ATRNL1: variants seen among roughly 807,000 people sequenced by gnomAD.
ATRNL1 encodes attractin like 1.
ATRNL1 carries 95 observed loss-of-function variants against 182.7 expected under a neutral mutation model. The ratio of observed to expected loss-of-function variants is 0.52; its 90% CI spans 0.44 to 0.62. The LOEUF is 0.62. Ranked by LOEUF, ATRNL1 falls within the 20% of genes least tolerant of loss-of-function variation. The probability of loss-of-function intolerance (pLI) is 0.00; values close to 1 mark genes in which losing one functional copy is unlikely to be tolerated. For synonymous variants in ATRNL1, 576 were observed against 568.3 expected (o/e 1.01, Z -0.19); for missense variants, 1,471 against 1,679.5 (o/e 0.88, Z 2.17).
At chr10:115,312,028 C>T (rs2134005390) in intron 17 of ATRNL1, among the ~76,000 whole-genome samples, 1 of 151,998 alleles carries the variant, frequency 6.6e-6, no homozygotes, top group East Asian at 1.9e-4. Context: ...TTGAAGATAG[C>T]AGATATTTGC....
intron 28 of ATRNL1, among the ~76,000 whole-genome samples, chr10:115,919,630 A>G (rs1412925513): frequency 1.3e-5 from 2 of 152,190 alleles, no homozygotes; most frequent in African/African-American, 4.8e-5. Context: ...GTATACATAT[A>G]TGTATACATA....
chr10:115,512,354 T>C (rs1850426178), intron 24 of ATRNL1, among the ~76,000 whole-genome samples: 1 of 151,862 alleles, frequency 6.6e-6, no homozygotes, highest in South Asian at 2.1e-4. Flanking sequence ...TAAGAAATAA[T>C]ATTTCATGTA....
chr10:115,780,650 A>G (rs1286798083), intron 27 of ATRNL1, among the ~76,000 whole-genome samples: 1 of 152,118 alleles, frequency 6.6e-6, no homozygotes, highest in Non-Finnish European at 1.5e-5. Context: ...GGTCAGAGTC[A>G]TGAGGCCCCC....
chr10:115,585,168 A>G (rs1173708301), intron 26 of ATRNL1, among the ~76,000 whole-genome samples: 3 of 97,998 alleles, frequency 3.1e-5, no homozygotes, highest in African/African-American at 6.8e-5. Flanking sequence ...TTTACTTCCA[A>G]GTATGTGGTC....
At chr10:115,517,425 T>C (rs1343346916) in intron 24 of ATRNL1, among the ~76,000 whole-genome samples, 1 of 151,962 alleles carries the variant, frequency 6.6e-6, no homozygotes, top group Non-Finnish European at 1.5e-5. Context: ...CTATATGTGT[T>C]TTCTGCTAAA....
intron 25 of ATRNL1, among the ~76,000 whole-genome samples, chr10:115,531,255 G>T (rs1565136828): frequency 6.6e-6 from 1 of 152,004 alleles, no homozygotes; most frequent in Non-Finnish European, 1.5e-5. Context: ...CAGTGTAAAA[G>T]TGTTCCTATT....
intron 15 of ATRNL1, among the ~76,000 whole-genome samples, chr10:115,289,650 C>T (rs921812504): frequency 6.6e-6 from 1 of 151,956 alleles, no homozygotes; most frequent in Non-Finnish European, 1.5e-5. Flanking sequence ...TGTCCTTTCC[C>T]CTATGCATGT....
intron 28 of ATRNL1, among the ~76,000 whole-genome samples, chr10:115,860,935 C>T (rs1555103366): frequency 1.3e-5 from 2 of 152,152 alleles, no homozygotes; most frequent in Non-Finnish European, 2.9e-5. Context: ...ACAGCACTCC[C>T]AGTCCTTCCA....
chr10:115,096,797 G>T, intron 1 of ATRNL1: 2 of 1,203,882 alleles, frequency 1.7e-6, no homozygotes, highest in Non-Finnish European at 2.1e-6. Flanking sequence ...CATTTGAAAA[G>T]AATAAAGCAC....
At chr10:115,804,963 A>T (rs1555085305) in intron 27 of ATRNL1, among the ~76,000 whole-genome samples, 2 of 152,196 alleles carry the variant, frequency 1.3e-5, no homozygotes, top group Non-Finnish European at 2.9e-5. Context: ...AAGTCTAAAG[A>T]ATAATTTGCA....
At chr10:115,279,719 A>C (rs1030861332) in intron 13 of ATRNL1, among the ~76,000 whole-genome samples, 12 of 152,186 alleles carry the variant, frequency 7.9e-5, no homozygotes, top group African/African-American at 2.4e-4. Context: ...ACTTGCTTGC[A>C]AACTCCTCTT....
intron 24 of ATRNL1, among the ~76,000 whole-genome samples, chr10:115,510,990 A>G (rs571295716): frequency 2.6e-5 from 4 of 152,130 alleles, no homozygotes; most frequent in South Asian, 4.1e-4. Flanking sequence ...TGTGTTTGCT[A>G]TAGAAAGAAC....
In ATRNL1 at chr10:115,223,929, A is replaced by ATTTTTTTTTTTTTT. The variant is rs1223695295; in HGVS notation, c.1532+8056_1532+8069dup. Among the ~76,000 whole-genome samples, 36 of 44,732 alleles carry ATTTTTTTTTTTTTT rather than the reference A, an allele frequency of 8.0e-4. 2 individuals carry two copies. Among genetic ancestry groups the ATTTTTTTTTTTTTT allele is most frequent in the African/African-American group, 2.5e-3 (27 of 10,858 alleles). 29.3% of individuals were successfully genotyped at this position (44,732 alleles called of 152,430 possible). On this transcript the variant is annotated intron_variant, in intron 9 of 28. Coordinates refer to ENST00000355044, the MANE Select transcript of ATRNL1 (RefSeq NM_207303.4). ...TGTGTGTGTGTATATATATATATATATTTTTTTTTTTTTTTTTTTTCTTTG... is the reference window on the plus strand; with the variant it reads ...TGTGTGTGTGTATATATATATATATATTTTTTTTTTTTTTTTTTTTTTTTTTTTTTTTTTCTTTG...
intron 25 of ATRNL1, among the ~76,000 whole-genome samples, chr10:115,548,226 T>C (rs1852777430): frequency 6.6e-6 from 1 of 152,248 alleles, no homozygotes; most frequent in Non-Finnish European, 1.5e-5. Flanking sequence ...CAATCATCGA[T>C]GTGACGTACT....
chr10:115,367,965 G>A (rs1408168190), intron 19 of ATRNL1, among the ~76,000 whole-genome samples: 1 of 151,872 alleles, frequency 6.6e-6, no homozygotes, highest in Non-Finnish European at 1.5e-5. Context: ...GGTTACTGCT[G>A]TCTTTTTGTT....
At chr10:115,361,493 C>G (rs532385717) in intron 19 of ATRNL1, among the ~76,000 whole-genome samples, 22 of 152,128 alleles carry the variant, frequency 1.4e-4, no homozygotes, top group African/African-American at 5.1e-4. Context: ...CTAGAGAATA[C>G]ATGTATGTGT....
At chr10:115,188,782 G>C (rs1258835944) in intron 8 of ATRNL1, among the ~76,000 whole-genome samples, 1 of 151,952 alleles carries the variant, frequency 6.6e-6, no homozygotes, top group Non-Finnish European at 1.5e-5. Context: ...ATTGGACATT[G>C]ATTTTTAGCA....
At chr10:115,422,475 A>C (rs1845692393) in intron 20 of ATRNL1, among the ~76,000 whole-genome samples, 1 of 152,204 alleles carries the variant, frequency 6.6e-6, no homozygotes, top group Non-Finnish European at 1.5e-5. Context: ...AATGCAAATC[A>C]GAACCACAAT....
At chr10:115,498,807 A>C (rs1362896522) in intron 24 of ATRNL1, among the ~76,000 whole-genome samples, 1 of 152,034 alleles carries the variant, frequency 6.6e-6, no homozygotes, top group African/African-American at 2.4e-5. Context: ...TTAAAAAATT[A>C]ATGTTTTGGG....
Sources: gnomAD v4.1 joint callset for allele counts (sites outside exome capture counted in the v4.1 genomes callset) on GRCh38, gnomAD v4.1.1 for gene constraint, MANE v1.5 for transcripts, NCBI Gene and HGNC (gene_info 2026-07-23, HGNC 2026-07-21) for gene names.